The following MIPOL1 variants were observed in gnomAD, a reference collection of about 807,000 sequenced individuals.
MIPOL1 encodes mirror-image polydactyly 1.
A neutral mutation model predicts 60.9 loss-of-function variants in MIPOL1; 57 were observed. The observed-to-expected ratio is 0.94, with a 90% CI of 0.76 to 1.17. The LOEUF (loss-of-function observed/expected upper bound fraction) is 1.17. Ranked by LOEUF, MIPOL1 falls within the 50% of genes most tolerant of loss-of-function variation. MIPOL1 has a pLI of 0.00. For synonymous variants in MIPOL1, 179 were observed against 168.8 expected, an observed-to-expected ratio of 1.06 and a Z score of -0.47; for missense variants, 551 against 511.6, an observed-to-expected ratio of 1.08 and a Z score of -0.74.
chr14:37,348,236 G>T (rs749489167), intron 9 of MIPOL1, among the ~76,000 whole-genome samples: 4 of 152,060 alleles, frequency 2.6e-5, no homozygotes, highest in Non-Finnish European at 5.9e-5. Context: ...TTGCTGTAAA[G>T]GACATGATTT....
intron 11 of MIPOL1, among the ~76,000 whole-genome samples, chr14:37,433,215 C>A (rs1316599099): frequency 1.3e-5 from 2 of 152,064 alleles, no homozygotes; most frequent in Non-Finnish European, 2.9e-5. Context: ...CACATGCCAC[C>A]ATGCCTAATT....
intron 7 of MIPOL1, among the ~76,000 whole-genome samples, chr14:37,295,253 C>A: frequency 6.6e-6 from 1 of 152,136 alleles, no homozygotes; most frequent in East Asian, 1.9e-4. Context: ...CAAGCAAATG[C>A]TGAGAGATTT....
At chr14:37,216,961 A>G (rs765143666) in intron 1 of MIPOL1, among the ~76,000 whole-genome samples, 11 of 152,158 alleles carry the variant, frequency 7.2e-5, no homozygotes, top group Non-Finnish European at 5.9e-5. Flanking sequence ...TTTAATAAAA[A>G]ATACAAACAA....
intron 10 of MIPOL1, among the ~76,000 whole-genome samples, chr14:37,390,369 T>A (rs936666368): frequency 6.6e-6 from 1 of 152,118 alleles, no homozygotes; most frequent in Non-Finnish European, 1.5e-5. Flanking sequence ...ATGTCACTTA[T>A]ATATTATATA....
intron 1 of MIPOL1, among the ~76,000 whole-genome samples, chr14:37,211,629 G>C (rs528885293): frequency 6.6e-6 from 1 of 152,190 alleles, no homozygotes; most frequent in Admixed American, 6.5e-5. Flanking sequence ...AAACTTGAAA[G>C]GTAGTCTAGG....
intron 11 of MIPOL1, among the ~76,000 whole-genome samples, chr14:37,493,829 G>T (rs2095079938): frequency 6.6e-6 from 1 of 152,152 alleles, no homozygotes. Context: ...TAGAATTTCT[G>T]AGAGTGATTC....
intron 9 of MIPOL1, among the ~76,000 whole-genome samples, chr14:37,355,546 A>T (rs891679007): frequency 2.0e-5 from 3 of 150,554 alleles, no homozygotes; most frequent in African/African-American, 4.9e-5. Context: ...AGGTACACCA[A>T]TGAGACGTAG....
chr14:37,259,357 A>G (rs1217012576), intron 3 of MIPOL1, among the ~76,000 whole-genome samples: 1 of 152,016 alleles, frequency 6.6e-6, no homozygotes, highest in Non-Finnish European at 1.5e-5. Flanking sequence ...TGAGCCCAGG[A>G]GTTCGAGACC....
At position 37,242,893 on chromosome 14, in the gene MIPOL1, A is replaced by C. The variant is rs150717287; in HGVS notation, c.-198-4210A>C. Among the ~76,000 whole-genome samples, 926 of 152,312 alleles carry C rather than the reference A, an allele frequency of 6.1e-3. 7 individuals carry two copies. Among genetic ancestry groups the C allele is most frequent in the African/African-American group, 0.019 (803 of 41,574 alleles). On this transcript the variant is annotated intron_variant, in intron 1 of 12. Coordinates refer to ENST00000684589, the MANE Select transcript of MIPOL1 (RefSeq NM_001388067.1). ...ATGGCCAGGCAAAACCTTTATTAAG[A>C]GATGACTTTTGAGCAAGGCGTGCAT...
chr14:37,318,824 T>TTAGTTAGTTAG (rs1567445929), intron 9 of MIPOL1, among the ~76,000 whole-genome samples: 2 of 148,150 alleles, frequency 1.3e-5, no homozygotes, highest in African/African-American at 5.1e-5. Context: ...TATTTATTTA[T>TTAGTTAGTTAG]TTAGTTAGTT....
intron 9 of MIPOL1, among the ~76,000 whole-genome samples, chr14:37,363,833 A>T (rs2092374527): frequency 6.6e-6 from 1 of 152,184 alleles, no homozygotes; most frequent in South Asian, 2.1e-4. Flanking sequence ...CATAAGCCTC[A>T]GTAATGGCGG....
At chr14:37,463,856 A>G (rs937391206) in intron 11 of MIPOL1, among the ~76,000 whole-genome samples, 1 of 152,214 alleles carries the variant, frequency 6.6e-6, no homozygotes, top group Non-Finnish European at 1.5e-5. Context: ...GCTGTAAACT[A>G]TGCATTGAAC....
chr14:37,351,068 C>A (rs1341931421), intron 9 of MIPOL1, among the ~76,000 whole-genome samples: 1 of 128,828 alleles, frequency 7.8e-6, no homozygotes, highest in African/African-American at 2.9e-5. Flanking sequence ...CTCCCCCCAC[C>A]CCACAACGGT....
At chr14:37,410,654 A>G (rs2093666684) in intron 10 of MIPOL1, among the ~76,000 whole-genome samples, 2 of 152,274 alleles carry the variant, frequency 1.3e-5, no homozygotes, top group South Asian at 4.1e-4. Flanking sequence ...AAACTATGTA[A>G]AAAGAATTAA....
intron 11 of MIPOL1, among the ~76,000 whole-genome samples, chr14:37,456,464 G>C (rs1170383106): frequency 6.6e-6 from 1 of 152,024 alleles, no homozygotes; most frequent in South Asian, 2.1e-4. Flanking sequence ...GAATTTTTCA[G>C]ATAAAGGAAA....
At chr14:37,199,171 AG>A (rs1964818960) in intron 1 of MIPOL1, among the ~76,000 whole-genome samples, 1 of 152,228 alleles carries the variant, frequency 6.6e-6, no homozygotes, top group Admixed American at 6.5e-5. Flanking sequence ...GTAAGTGTAC[AG>A]CTCGGTGAAT....
intron 11 of MIPOL1, among the ~76,000 whole-genome samples, chr14:37,494,404 A>AT (rs902009037): frequency 2.0e-5 from 3 of 152,292 alleles, no homozygotes; most frequent in African/African-American, 7.2e-5. Flanking sequence ...AGAAAGTGAT[A>AT]TTTTTGCTTT....
chr14:37,346,254 AG>A (rs1398492639), intron 9 of MIPOL1, among the ~76,000 whole-genome samples: 1 of 152,154 alleles, frequency 6.6e-6, no homozygotes, highest in African/African-American at 2.4e-5. Flanking sequence ...GCTTGAACCC[AG>A]GAGGCGAAGG....
intron 1 of MIPOL1, among the ~76,000 whole-genome samples, chr14:37,234,728 T>G (rs909664883): frequency 1.3e-5 from 2 of 152,038 alleles, no homozygotes; most frequent in Admixed American, 1.3e-4. Context: ...ACTACTCATT[T>G]ATTGGTCCCT....
Sources: gnomAD v4.1 joint callset for allele counts (sites outside exome capture counted in the v4.1 genomes callset) on GRCh38, gnomAD v4.1.1 for gene constraint, MANE v1.5 for transcripts, NCBI Gene and HGNC (gene_info 2026-07-23, HGNC 2026-07-21) for gene names.